Variants in MAGI2 observed in about 807,000 individuals in gnomAD.
The protein encoded by MAGI2 is membrane associated guanylate kinase, WW and PDZ domain containing 2.
In MAGI2, 35 loss-of-function variants were observed where a neutral mutation model predicts 133.3. That is an observed-to-expected ratio of 0.26 (90% CI 0.20 to 0.35). MAGI2 has a LOEUF of 0.35. Among genes scored for constraint, MAGI2 ranks in the 10% least tolerant of loss-of-function variants. MAGI2 has a pLI of 1.00. For synonymous variants in MAGI2, 729 were observed against 710.6 expected, an observed-to-expected ratio of 1.03 and a Z score of -0.41; for missense variants, 1,636 against 1,863.4, an observed-to-expected ratio of 0.88 and a Z score of 2.25.
chr7:78,257,179 G>A (rs150219245), intron 9 of MAGI2, among the ~76,000 whole-genome samples: 1 of 152,238 alleles, frequency 6.6e-6, no homozygotes, highest in African/African-American at 2.4e-5. Context: ...TTGACACCTT[G>A]GCTCTACTAT....
At chr7:79,197,981 T>C (rs183534917) in intron 1 of MAGI2, among the ~76,000 whole-genome samples, 3 of 152,034 alleles carry the variant, frequency 2.0e-5, no homozygotes, top group African/African-American at 7.3e-5. Flanking sequence ...GGGTGGTGTC[T>C]CAATCCTGTA....
intron 2 of MAGI2, among the ~76,000 whole-genome samples, chr7:78,914,405 C>T (rs1799021): frequency 0.34 from 51,584 of 151,894 alleles, 9,135 homozygotes; most frequent in South Asian, 0.43. Context: ...GAATGGTGTA[C>T]TTTTAAATTA....
chr7:79,171,768 ATATTTTTT>A (rs1251164010), intron 1 of MAGI2, among the ~76,000 whole-genome samples: 411 of 20,894 alleles, frequency 0.02, 20 homozygotes, highest in Non-Finnish European at 0.039. Flanking sequence ...ATATATATAT[ATATTTTTT>A]TTTTTTTTTT....
chr7:78,072,887 G>T, intron 21 of MAGI2: 1 of 398,524 alleles, frequency 2.5e-6, no homozygotes, highest in South Asian at 1.3e-4. Flanking sequence ...TGAACTCCTA[G>T]GCTCAAGCAG....
At chr7:78,495,464 G>A (rs1794002933) in intron 5 of MAGI2, among the ~76,000 whole-genome samples, 1 of 152,166 alleles carries the variant, frequency 6.6e-6, no homozygotes. Flanking sequence ...TCATCAGGAT[G>A]ATTGTAACAT....
intron 2 of MAGI2, among the ~76,000 whole-genome samples, chr7:78,943,007 A>G (rs576925439): frequency 2.0e-5 from 3 of 152,098 alleles, no homozygotes; most frequent in Non-Finnish European, 4.4e-5. Context: ...TAGCTAAAGT[A>G]TAGGAAACTA....
intron 6 of MAGI2, among the ~76,000 whole-genome samples, chr7:78,404,183 A>T (rs915031949): frequency 1.3e-5 from 2 of 152,128 alleles, no homozygotes; most frequent in Non-Finnish European, 2.9e-5. Flanking sequence ...ACAAACAAAT[A>T]GAAGAACATT....
intron 4 of MAGI2, among the ~76,000 whole-genome samples, chr7:78,514,086 CAAAAAAAAAAAA>C (rs67534111): frequency 2.1e-5 from 1 of 47,198 alleles, no homozygotes; most frequent in East Asian, 6.8e-4. Context: ...GAAACTGTCT[CAAAAAAAAAAAA>C]AAAAAAAAAA....
chr7:78,654,731 A>G (rs1242369696), intron 2 of MAGI2, among the ~76,000 whole-genome samples: 5 of 122,228 alleles, frequency 4.1e-5, no homozygotes, highest in African/African-American at 1.2e-4. Context: ...ATATATATAT[A>G]TATATATATA....
rs147401483 is a variant in MAGI2 at position 78,550,919 on chromosome 7, C to G, written c.539-29274G>C. 4.6e-3 allele frequency among the ~76,000 whole-genome samples: 703 copies of G among 152,200 alleles called. 6 individuals are homozygous for G. Among genetic ancestry groups the G allele is most frequent in the African/African-American group, 0.016 (665 of 41,548 alleles). ...TTCTAAGCATGCATTTAGTGTGTCT[C>G]TTTGTATCTTCTTTTAAAATTGATT... On this transcript the variant is annotated intron_variant, in intron 3 of 21. Coordinates refer to ENST00000354212, the MANE Select transcript of MAGI2 (RefSeq NM_012301.4).
intron 1 of MAGI2, among the ~76,000 whole-genome samples, chr7:79,073,905 G>T (rs116992710): frequency 0.018 from 2,792 of 151,012 alleles, 40 homozygotes; most frequent in Non-Finnish European, 0.027. Flanking sequence ...CTTTCTTCCA[G>T]TCTTATTCTT....
chr7:78,057,146 T>C (rs1168278426), intron 21 of MAGI2, among the ~76,000 whole-genome samples: 1 of 151,762 alleles, frequency 6.6e-6, no homozygotes, highest in Non-Finnish European at 1.5e-5. Context: ...AGAACCTCCA[T>C]ACCGTTTCCA....
At chr7:79,229,720 A>G (rs1831186104) in intron 1 of MAGI2, among the ~76,000 whole-genome samples, 1 of 152,062 alleles carries the variant, frequency 6.6e-6, no homozygotes, top group Admixed American at 6.6e-5. Context: ...TGATGATATG[A>G]CTTCTCACAT....
intron 7 of MAGI2, among the ~76,000 whole-genome samples, chr7:78,367,758 T>A (rs1322256627): frequency 6.6e-6 from 1 of 152,236 alleles, no homozygotes; most frequent in Non-Finnish European, 1.5e-5. Context: ...ACAGTACAGT[T>A]TGATTCAGTG....
intron 1 of MAGI2, among the ~76,000 whole-genome samples, chr7:79,159,516 T>A (rs1465058818): frequency 1.2e-4 from 5 of 42,022 alleles, no homozygotes; most frequent in Non-Finnish European, 2.7e-4. Context: ...AGACTCAGTC[T>A]CAAAAAAAAA....
intron 21 of MAGI2, among the ~76,000 whole-genome samples, chr7:78,043,337 C>A (rs1220783751): frequency 6.6e-6 from 1 of 150,952 alleles, no homozygotes; most frequent in Non-Finnish European, 1.5e-5. Flanking sequence ...ATTGTTTCTG[C>A]GTGTGGCAGG....
intron 2 of MAGI2, among the ~76,000 whole-genome samples, chr7:78,971,114 A>T (rs1803751351): frequency 6.6e-6 from 1 of 152,066 alleles, no homozygotes; most frequent in African/African-American, 2.4e-5. Context: ...ATCTGGCTAA[A>T]AATATTTCAT....
chr7:78,833,545 T>C (rs1295933802), intron 2 of MAGI2, among the ~76,000 whole-genome samples: 1 of 152,170 alleles, frequency 6.6e-6, no homozygotes, highest in Non-Finnish European at 1.5e-5. Flanking sequence ...AACAGTAAAG[T>C]TGGAGTACTT....
chr7:78,360,864 GAGT>G (rs1792706866), intron 7 of MAGI2, among the ~76,000 whole-genome samples: 1 of 152,132 alleles, frequency 6.6e-6, no homozygotes, highest in Non-Finnish European at 1.5e-5. Context: ...AAAAATGATG[GAGT>G]AGAAGGAAGG....
Sources: allele counts gnomAD v4.1 joint callset (sites outside exome capture counted in the v4.1 genomes callset), GRCh38; gene constraint gnomAD v4.1.1; transcripts MANE v1.5; gene names NCBI Gene and HGNC (gene_info 2026-07-23, HGNC 2026-07-21).